Variants in KLF8 observed in about 807,000 individuals in gnomAD.
The protein encoded by KLF8 is KLF transcription factor 8, also known as Krueppel-like factor 8.
Under a neutral mutation model 18.2 loss-of-function variants are expected in KLF8, and 10 were observed. The observed-to-expected ratio is 0.55, with a 90% confidence interval of 0.34 to 0.93. KLF8 has a LOEUF of 0.93. KLF8 is among the 40% of genes least tolerant of loss of function. The probability of loss-of-function intolerance (pLI) is 0.02; values close to 1 mark genes in which losing one functional copy is unlikely to be tolerated. For missense variants in KLF8, 264 were observed against 277.9 expected (o/e 0.95, Z 0.36); for synonymous variants, 109 against 97.3 (o/e 1.12, Z -0.71).
the KLF8 span, among the ~76,000 whole-genome samples, chrX:56,049,084 T>C: frequency 8.9e-6 from 1 of 111,957 alleles, no homozygotes; most frequent in Non-Finnish European, 1.9e-5. Context: ...TATTAGTGCA[T>C]AAGAATGCTT....
chrX:55,989,630 C>T, the KLF8 span, among the ~76,000 whole-genome samples: 2 of 111,385 alleles, frequency 1.8e-5, no homozygotes, highest in Admixed American at 1.9e-4. Flanking sequence ...GATTTTGCAT[C>T]GATGTTCGTC....
At chrX:56,157,713 C>T in the KLF8 span, among the ~76,000 whole-genome samples, 1 of 111,772 alleles carries the variant, frequency 8.9e-6, no homozygotes, top group African/African-American at 3.3e-5. Context: ...TGTTCATATA[C>T]TTCACCCTCT....
the KLF8 span, among the ~76,000 whole-genome samples, chrX:56,050,983 T>C: frequency 7.3e-5 from 8 of 110,066 alleles, no homozygotes; most frequent in African/African-American, 2.6e-4. Context: ...TTAGGATAGT[T>C]AGCTGTTCTT....
At chrX:56,281,833 T>C (rs1417175661) in intron 5 of KLF8, among the ~76,000 whole-genome samples, 1 of 112,916 alleles carries the variant, frequency 8.9e-6, no homozygotes, top group Non-Finnish European at 1.9e-5. Flanking sequence ...AGTTGTGTTG[T>C]ATGATGTTCA....
the KLF8 span, among the ~76,000 whole-genome samples, chrX:56,084,615 G>A: frequency 0.13 from 13,984 of 111,032 alleles, 1,597 homozygotes; most frequent in African/African-American, 0.37. Context: ...TAAATAAAGT[G>A]ATCTTTGTTT....
At chrX:55,973,746 G>A in the KLF8 span, among the ~76,000 whole-genome samples, 2 of 112,371 alleles carry the variant, frequency 1.8e-5, no homozygotes, top group African/African-American at 6.5e-5. Flanking sequence ...GTTGGTGGAA[G>A]TGTAAATTAG....
At chrX:56,137,822 A>G in the KLF8 span, among the ~76,000 whole-genome samples, 116 of 109,585 alleles carry the variant, frequency 1.1e-3, no homozygotes, top group Non-Finnish European at 1.8e-3. Context: ...ACCAATCCCA[A>G]TGCTACCATA....
At chrX:56,105,769 G>A in the KLF8 span, among the ~76,000 whole-genome samples, 1 of 111,450 alleles carries the variant, frequency 9.0e-6, no homozygotes, top group African/African-American at 3.3e-5. Flanking sequence ...TATGATGTTA[G>A]GTAGTTATTT....
rs751518485 is a variant in KLF8 at position 56,257,691 on chromosome X, G to A, written c.81+7387G>A. 5.4e-5 allele frequency among the ~76,000 whole-genome samples: 6 copies of A among 112,084 alleles called. No individual in the cohort carries two copies. In the South Asian group the frequency reaches 1.1e-3, roughly 21 times the overall value. Reference sequence around the variant, plus strand: ...ATATTGCTGCAAAAGACATGATTTTGTTCTTATTTATGTCTACATAGTATT... The same window carrying A: ...ATATTGCTGCAAAAGACATGATTTTATTCTTATTTATGTCTACATAGTATT... On this transcript the variant is annotated intron_variant, in intron 2 of 5. Transcript: ENST00000468660.
chrX:56,191,370 T>C, the KLF8 span, among the ~76,000 whole-genome samples: 2 of 111,766 alleles, frequency 1.8e-5, no homozygotes, highest in African/African-American at 6.5e-5. Context: ...AGCTAAATTT[T>C]ATCAGACATT....
the KLF8 span, among the ~76,000 whole-genome samples, chrX:56,150,845 T>C: frequency 9.0e-6 from 1 of 111,664 alleles, no homozygotes; most frequent in Non-Finnish European, 1.9e-5. Context: ...GGAGGGTTTT[T>C]TGCTGATAAT....
the KLF8 span, among the ~76,000 whole-genome samples, chrX:56,154,311 C>A: frequency 1.8e-5 from 2 of 111,608 alleles, no homozygotes; most frequent in African/African-American, 6.5e-5. Context: ...ACATCTATAA[C>A]TATCTGATCT....
chrX:56,210,829 G>A, the KLF8 span, among the ~76,000 whole-genome samples: 1 of 108,383 alleles, frequency 9.2e-6, no homozygotes, highest in African/African-American at 3.4e-5. Context: ...AAAAGACTCT[G>A]ATGCATTCTT....
At chrX:56,197,002 A>G in the KLF8 span, among the ~76,000 whole-genome samples, 1 of 112,151 alleles carries the variant, frequency 8.9e-6, no homozygotes, top group African/African-American at 3.2e-5. Context: ...ACTACTGGGT[A>G]GTAACGAAAT....
chrX:55,933,173 C>A, the KLF8 span, among the ~76,000 whole-genome samples: 1 of 111,427 alleles, frequency 9.0e-6, no homozygotes. Context: ...GCTTTTCATA[C>A]TTTAATGTAC....
chrX:56,174,821 T>G, the KLF8 span, among the ~76,000 whole-genome samples: 1 of 111,831 alleles, frequency 8.9e-6, no homozygotes, highest in African/African-American at 3.2e-5. Context: ...TGGTTTAGTC[T>G]TGGGATGGTG....
chrX:55,908,676 C>A, the KLF8 span: 1 of 288,916 alleles, frequency 3.5e-6, no homozygotes, highest in Non-Finnish European at 6.1e-6. Context: ...ACTCTTCACT[C>A]AACTACGTGT....
At chrX:56,251,556 A>G (rs1210497853) in intron 2 of KLF8, among the ~76,000 whole-genome samples, 1 of 110,882 alleles carries the variant, frequency 9.0e-6, no homozygotes, top group East Asian at 2.8e-4. Context: ...TCTGCCTTCC[A>G]GGTTCAAGCT....
At chrX:56,160,461 G>A in the KLF8 span, among the ~76,000 whole-genome samples, 19 of 111,249 alleles carry the variant, frequency 1.7e-4, no homozygotes, top group Middle Eastern at 4.6e-3. Flanking sequence ...TTTCTGTCTC[G>A]TTGATCTGTC....
Sources: allele counts gnomAD v4.1 joint callset (sites outside exome capture counted in the v4.1 genomes callset), GRCh38; gene constraint gnomAD v4.1.1; transcripts MANE v1.5; gene names NCBI Gene and HGNC (gene_info 2026-07-23, HGNC 2026-07-21).